DDHD2: variants seen among roughly 807,000 people sequenced by gnomAD.
DDHD2 encodes DDHD domain containing 2.
In DDHD2, 62 loss-of-function variants were observed where a neutral mutation model predicts 91.2. That is an observed-to-expected ratio of 0.68 (90% confidence interval 0.55 to 0.84). The LOEUF is 0.84. Ranked by LOEUF, DDHD2 falls within the 40% of genes least tolerant of loss-of-function variation. DDHD2 has a pLI of 0.00. For synonymous variants in DDHD2, 271 were observed against 293.9 expected (o/e 0.92, Z 0.80); for missense variants, 740 against 846.9 (o/e 0.87, Z 1.57).
intron 2 of DDHD2, 129 bp from the exon 3 acceptor site, chr8:38,234,265 G>A (rs1804522643): frequency 1.8e-6 from 1 of 561,026 alleles, no homozygotes; most frequent in Admixed American, 3.8e-5. Context: ...CATTTTGTTT[G>A]GTGTTTAGTC....
chr8:38,267,151 G>T, downstream of DDHD2: 1 of 1,581,272 alleles, frequency 6.3e-7, no homozygotes. Flanking sequence ...AAGAAGGGGG[G>T]ATTTTCCAAA....
chr8:38,263,398 T>C (rs1383976582), downstream of DDHD2: 1 of 985,368 alleles, frequency 1.0e-6, no homozygotes, highest in Admixed American at 6.1e-5. Context: ...TTGGTGCATT[T>C]GAGCAGATCT....
At position 38,252,084 on chromosome 8, in the gene DDHD2, T is replaced by C. The variant is rs1213984175; in HGVS notation, c.1462-48T>C. 2.5e-6 allele frequency: 4 copies of C among 1,612,562 alleles called. No homozygotes were observed. In the East Asian group the frequency reaches 8.9e-5, roughly 36 times the overall value. ...CTGCTATTTGTATGGTAGAAACAGATGTAACTTTTGTTATTAATGAGAGAT... is the reference window on the plus strand; with the variant it reads ...CTGCTATTTGTATGGTAGAAACAGACGTAACTTTTGTTATTAATGAGAGAT... On this transcript the variant is annotated intron_variant, in intron 12 of 17. Coordinates refer to ENST00000397166, the MANE Select transcript of DDHD2 (RefSeq NM_015214.3).
At chr8:38,234,350 A>C in intron 2 of DDHD2, 44 bp from the exon 3 acceptor site, 1 of 1,419,780 alleles carries the variant, frequency 7.0e-7, no homozygotes. Flanking sequence ...TGGGAGATTT[A>C]TTTTGAAATA....
Position 38,238,202 on chromosome 8 carries a change from T to G in DDHD2, c.615T>G (p.Ile205Met), listed in dbSNP as rs756972190. The change falls in exon 5 of 18, where the codon ATT (isoleucine) becomes ATG (methionine). Residue 205 changes from isoleucine to methionine, a missense_variant. Physicochemically the swap from Ile to Met is conservative, Grantham distance 10. Transcript: ENST00000397166. ...GAGTTGAGAACATCTCTGTTGACAT[T>G]CATTGTGGTAATGTTAATCGTTTAT... ...KRGVENISVD[I>M]HCGEPLQIDH... The G allele has an allele frequency of 1.2e-6, 2 of 1,613,928 alleles. No individual in the cohort carries two copies. The highest frequency in any genetic ancestry group is 2.2e-5 in the South Asian group (2 of 91,076).
chr8:38,273,586 T>G (rs1269857677), downstream of DDHD2: 3 of 152,220 alleles, frequency 2.0e-5, no homozygotes, highest in Non-Finnish European at 4.4e-5. Context: ...AAGGAAATCC[T>G]TATGTTAGTA....
rs946349403 is a variant in DDHD2, at chr8:38,249,808, GT to G, written c.1344+6del. 4 of 1,576,526 alleles carry G rather than the reference GT, an allele frequency of 2.5e-6. No homozygotes were observed. In the African/African-American group the frequency reaches 5.4e-5, roughly 21 times the overall value. ...AGCACCAGAAAAAACTCAATGGTAT[GT>G]GCCTAATACAGCTTGTTGGACTAAA... On this transcript the variant is annotated splice_donor_region_variant and intron_variant, in intron 11 of 17. Coordinates refer to ENST00000397166, the MANE Select transcript of DDHD2 (RefSeq NM_015214.3).
At chr8:38,238,591 C>T (rs1804989961) in intron 5 of DDHD2, 4 of 1,025,680 alleles carry the variant, frequency 3.9e-6, no homozygotes, top group Non-Finnish European at 4.7e-6. Flanking sequence ...CCTGATTATG[C>T]ACTGCTATCT....
At chr8:38,264,836 T>C, downstream of DDHD2, 1 of 1,584,136 alleles carries the variant, frequency 6.3e-7, no homozygotes, top group Non-Finnish European at 8.6e-7. Context: ...ACATCTTAAG[T>C]AAGTATAATA....
In DDHD2 at chr8:38,252,281, T is replaced by C. The variant is rs1806170999; in HGVS notation, c.1611T>C (p.Tyr537=). ...CGTGCAAAGGTTTCTTCAATATTTA[T>C]CACCCTGTAAGCATTGTACAGCTAT... ...FPTCKGFFNI[Y]HPFDPVAYRI... Residue 537 remains tyrosine (Y), a synonymous_variant, in exon 13 of 18, where the codon TAT becomes TAC. Coordinates refer to ENST00000397166, the MANE Select transcript of DDHD2 (RefSeq NM_015214.3). 2 of 1,612,996 alleles carry C rather than the reference T, an allele frequency of 1.2e-6. No individual in the cohort carries two copies. Among genetic ancestry groups the C allele is most frequent in the South Asian group, 2.2e-5 (2 of 90,796 alleles).
intron 3 of DDHD2, among the ~76,000 whole-genome samples, chr8:38,235,444 G>C (rs1056869864): frequency 6.6e-6 from 1 of 152,066 alleles, no homozygotes; most frequent in Non-Finnish European, 1.5e-5. Flanking sequence ...AAAATACTCC[G>C]GGCCTGGTGG....
chr8:38,259,992 G>A (rs1222992255), intron 16 of DDHD2, 48 bp from the exon 17 acceptor site: 1 of 1,189,274 alleles, frequency 8.4e-7, no homozygotes, highest in African/African-American at 1.5e-5. Context: ...TAAAACATTT[G>A]GCACAAGTGT....
Position 38,252,974 on chromosome 8 carries a change from AC to A in DDHD2, c.1740del (p.Arg581GlyfsTer2). On this transcript the variant is annotated frameshift_variant, in exon 15 of 18. Coordinates refer to ENST00000397166, the MANE Select transcript of DDHD2 (RefSeq NM_015214.3). LOFTEE classifies it high-confidence loss of function. ...RMHLELREGL[T>X]RMSMDLKNNL... ...TGTTTCAGAACTGAGAGAGGGCTTG[AC>A]CAGGATGAGTATGGACCTTAAGAAC... The A allele has an allele frequency of 1.2e-6, 2 of 1,614,082 alleles. No individual in the cohort carries two copies. Among genetic ancestry groups the A allele is most frequent in the South Asian group, 2.2e-5 (2 of 91,066 alleles).
chr8:38,265,863 G>T (rs1785321058), downstream of DDHD2, among the ~76,000 whole-genome samples: 2 of 152,298 alleles, frequency 1.3e-5, no homozygotes, highest in South Asian at 4.1e-4. Context: ...TTTTAAGAGA[G>T]TAAATTGAAC....
intron 4 of DDHD2, among the ~76,000 whole-genome samples, 172 bp downstream of exon 4, chr8:38,237,799 C>G (rs112983079): frequency 6.6e-6 from 1 of 152,168 alleles, no homozygotes; most frequent in Non-Finnish European, 1.5e-5. Flanking sequence ...ATTTACCCAA[C>G]TCAGCTTATA....
intron 3 of DDHD2, 57 bp from the exon 4 acceptor site, chr8:38,237,481 G>T (rs932535325): frequency 6.3e-6 from 5 of 791,148 alleles, no homozygotes; most frequent in Non-Finnish European, 1.1e-5. Flanking sequence ...TTGTTAATAG[G>T]TTCAGTTTAA....
In DDHD2 at chr8:38,234,429, G is replaced by A; in HGVS notation, c.256G>A (p.Gly86Arg). The change falls in exon 3 of 18, where the codon GGG (glycine) becomes AGG (arginine). Residue 86 changes from glycine to arginine, a missense_variant. Gly to Arg is a moderately radical substitution (Grantham distance 125). This residue lies in a region of DDHD2 where 693 missense variants were observed against 764.2 expected (regional missense o/e 0.91). Coordinates refer to ENST00000397166, the MANE Select transcript of DDHD2 (RefSeq NM_015214.3). ...GCNGRVVPTD[G>R]GRYDVHLGER... ...TAATGGGAGAGTTGTTCCTACTGATGGGGGCAGATATGATGTTCATTTGGG... is the reference window on the plus strand; with the variant it reads ...TAATGGGAGAGTTGTTCCTACTGATAGGGGCAGATATGATGTTCATTTGGG... 1.2e-6 allele frequency: 2 copies of A among 1,602,208 alleles called. No homozygotes were observed. The highest frequency in any genetic ancestry group is 1.7e-6 in the Non-Finnish European group (2 of 1,177,138).
intron 2 of DDHD2, among the ~76,000 whole-genome samples, 191 bp from the exon 3 acceptor site, chr8:38,234,203 A>G (rs1804517559): frequency 6.6e-6 from 1 of 152,144 alleles, no homozygotes; most frequent in South Asian, 2.1e-4. Flanking sequence ...AAAATCAGGA[A>G]TGGTTTTGAC....
In DDHD2 at chr8:38,249,802, T is replaced by C. The variant is rs1218195564; in HGVS notation, c.1343T>C (p.Met448Thr). ...LNYFSTRKNSMGIKRPAPQPA... is the reference protein window; with the variant it reads ...LNYFSTRKNSTGIKRPAPQPA... ...TATTTCAGCACCAGAAAAAACTCAA[T>C]GGTATGTGCCTAATACAGCTTGTTG... Residue 448 changes from methionine (M) to threonine (T), a missense_variant and splice_region_variant, in exon 11 of 18, where the codon ATG becomes ACG. By Grantham distance (81) the Met-to-Thr change is moderately conservative (BLOSUM62 -1). This residue lies in a region of DDHD2 where 693 missense variants were observed against 764.2 expected (regional missense o/e 0.91). Transcript: ENST00000397166. 1 of 1,591,960 alleles carries C rather than the reference T, an allele frequency of 6.3e-7. No individual in the cohort carries two copies. The highest frequency in any genetic ancestry group is 8.6e-7 in the Non-Finnish European group (1 of 1,160,894).
Sources: gnomAD v4.1 joint callset for allele counts (sites outside exome capture counted in the v4.1 genomes callset) on GRCh38, gnomAD v4.1.1 for gene constraint, gnomAD v4.1.1 regional missense constraint, MANE v1.5 for transcripts, NCBI Gene and HGNC (gene_info 2026-07-23, HGNC 2026-07-21) for gene names.